OR9Q1: variants seen among roughly 807,000 people sequenced by gnomAD.
OR9Q1 encodes the protein olfactory receptor family 9 subfamily Q member 1.
For synonymous variants in OR9Q1, 153 were observed against 148.6 expected (o/e 1.03, Z -0.22); for missense variants, 374 against 378.8 (o/e 0.99, Z 0.11).
At chr11:58,085,795 A>G (rs1301214756) in intron 2 of OR9Q1, among the ~76,000 whole-genome samples, 2 of 151,836 alleles carry the variant, frequency 1.3e-5, no homozygotes, top group Non-Finnish European at 2.9e-5. Context: ...CATTGGGATG[A>G]CATCAGTAAG....
At chr11:58,151,934 T>A (rs547823849) in intron 2 of OR9Q1, among the ~76,000 whole-genome samples, 3 of 152,134 alleles carry the variant, frequency 2.0e-5, no homozygotes, top group Non-Finnish European at 4.4e-5. Context: ...AGAAAGACAC[T>A]CCAAGACAGT....
intron 2 of OR9Q1, among the ~76,000 whole-genome samples, chr11:58,123,009 C>A (rs1854050908): frequency 6.6e-6 from 1 of 150,722 alleles, no homozygotes. Context: ...ATGCTTATAA[C>A]ATATTTTACT....
intron 2 of OR9Q1, among the ~76,000 whole-genome samples, chr11:58,092,787 G>A (rs1034052616): frequency 6.6e-6 from 1 of 152,076 alleles, no homozygotes; most frequent in African/African-American, 2.4e-5. Context: ...TGTGACAAAA[G>A]ACTAAAGATT....
chr11:58,083,761 A>T lies in OR9Q1; in HGVS notation c.-15+27814A>T, dbSNP rs796094684. 1.3e-5 allele frequency among the ~76,000 whole-genome samples: 2 copies of T among 151,734 alleles called. 1 individual carries two copies. The highest frequency in any genetic ancestry group is 4.9e-5 in the African/African-American group (2 of 41,128). On this transcript the variant is annotated intron_variant, in intron 2 of 2. Transcript: ENST00000335397. ...TTCTGTCGACTTTGTTGAAGATCACATGGTTGTAGGTGTGTGGATTTACTT... is the reference window on the plus strand; with the variant it reads ...TTCTGTCGACTTTGTTGAAGATCACTTGGTTGTAGGTGTGTGGATTTACTT...
At chr11:58,114,457 G>C (rs922684070) in intron 2 of OR9Q1, among the ~76,000 whole-genome samples, 1 of 152,146 alleles carries the variant, frequency 6.6e-6, no homozygotes, top group African/African-American at 2.4e-5. Flanking sequence ...AAATTAATGA[G>C]TATGACAGGG....
In OR9Q1 at chr11:58,139,454, C is replaced by A. The variant is rs183295923; in HGVS notation, c.-14-39977C>A. Among the ~76,000 whole-genome samples, 425 of 151,978 alleles carry A rather than the reference C, an allele frequency of 2.8e-3. 3 individuals carry two copies. The highest frequency in any genetic ancestry group is 9.7e-3 in the African/African-American group (401 of 41,474). On this transcript the variant is annotated intron_variant, in intron 2 of 2. Transcript: ENST00000335397. ...CCCGCTCCCCCCACCCCACAACAGT[C>A]CCCAGTGTGTGATGTTCCCCTTCCT...
Position 58,120,178 on chromosome 11 carries a change from G to A in OR9Q1, c.-14-59253G>A, listed in dbSNP as rs373835041. On this transcript the variant is annotated intron_variant, in intron 2 of 2. Coordinates refer to ENST00000335397, the MANE Select transcript of OR9Q1 (RefSeq NM_001005212.4). ...AACATATTGCATTTTATATTTTTTA[G>A]TTACTTATACATCATGATTATAAAT... Among the ~76,000 whole-genome samples the A allele has an allele frequency of 2.3e-3, 352 of 152,112 alleles. 5 individuals carry two copies. The highest frequency in any genetic ancestry group is 7.9e-3 in the African/African-American group (329 of 41,502).
intron 2 of OR9Q1, among the ~76,000 whole-genome samples, chr11:58,166,532 A>G (rs1420627569): frequency 2.0e-5 from 3 of 152,118 alleles, no homozygotes; most frequent in Non-Finnish European, 4.4e-5. Flanking sequence ...TTATTCACTT[A>G]TTTCCCTAAT....
At chr11:58,123,026 T>C (rs1198197481) in intron 2 of OR9Q1, among the ~76,000 whole-genome samples, 1 of 152,042 alleles carries the variant, frequency 6.6e-6, no homozygotes, top group Non-Finnish European at 1.5e-5. Flanking sequence ...TACTTATCAA[T>C]TCTACTAGAG....
chr11:58,030,173 G>T (rs1853017082), intron 1 of OR9Q1, among the ~76,000 whole-genome samples: 1 of 152,032 alleles, frequency 6.6e-6, no homozygotes, highest in South Asian at 2.1e-4. Flanking sequence ...CTCCAAACCT[G>T]CCCCTTCTAA....
chr11:58,087,309 T>C, intron 2 of OR9Q1, among the ~76,000 whole-genome samples: 1 of 151,810 alleles, frequency 6.6e-6, no homozygotes, highest in East Asian at 1.9e-4. Context: ...CCACTGATTA[T>C]TCCCCCAATA....
intron 2 of OR9Q1, among the ~76,000 whole-genome samples, chr11:58,119,679 T>C (rs1395021490): frequency 2.6e-5 from 4 of 152,266 alleles, no homozygotes; most frequent in African/African-American, 9.6e-5. Context: ...TAGTTTACAT[T>C]TGGAAATTTC....
chr11:58,094,119 G>T (rs911574801), intron 2 of OR9Q1, among the ~76,000 whole-genome samples: 13 of 152,272 alleles, frequency 8.5e-5, no homozygotes, highest in African/African-American at 3.1e-4. Context: ...CCATAAAAAG[G>T]ATGAAGTCAT....
chr11:58,123,100 C>T (rs1565083195), intron 2 of OR9Q1, among the ~76,000 whole-genome samples: 1 of 151,930 alleles, frequency 6.6e-6, no homozygotes, highest in Non-Finnish European at 1.5e-5. Context: ...ATATTATGAC[C>T]TTATTTTTAC....
At chr11:58,060,596 T>G (rs963750561) in intron 2 of OR9Q1, among the ~76,000 whole-genome samples, 1 of 152,070 alleles carries the variant, frequency 6.6e-6, no homozygotes, top group South Asian at 2.1e-4. Context: ...TTAACCTGTT[T>G]ATCAGCAAAA....
intron 2 of OR9Q1, among the ~76,000 whole-genome samples, chr11:58,151,960 A>G (rs1453946237): frequency 2.0e-5 from 3 of 152,168 alleles, no homozygotes; most frequent in African/African-American, 7.2e-5. Context: ...TTGCATGTTT[A>G]TAAGGAACCT....
At chr11:58,079,259 T>TA (rs978782648) in intron 2 of OR9Q1, among the ~76,000 whole-genome samples, 19 of 151,948 alleles carry the variant, frequency 1.3e-4, no homozygotes, top group African/African-American at 4.6e-4. Context: ...TTTTTTTTTT[T>TA]ATCTTGCTGG....
intron 2 of OR9Q1, among the ~76,000 whole-genome samples, chr11:58,141,635 G>A (rs146408692): frequency 0.028 from 4,188 of 152,168 alleles, 70 homozygotes; most frequent in East Asian, 0.055. Context: ...GTTTTATTGA[G>A]GATTTTTGCA....
chr11:58,123,005 ATAACATATT>A (rs1854050804), intron 2 of OR9Q1, among the ~76,000 whole-genome samples: 1 of 149,972 alleles, frequency 6.7e-6, no homozygotes, highest in African/African-American at 2.4e-5. Flanking sequence ...TGGTATGCTT[ATAACATATT>A]TTACTTATCA....
Sources: allele counts gnomAD v4.1 joint callset (sites outside exome capture counted in the v4.1 genomes callset), GRCh38; gene constraint gnomAD v4.1.1; transcripts MANE v1.5; gene names NCBI Gene and HGNC (gene_info 2026-07-23, HGNC 2026-07-21).